Variants in AHNAK observed in about 807,000 individuals in gnomAD.
The protein encoded by AHNAK is AHNAK nucleoprotein.
Under a neutral mutation model 37.8 loss-of-function variants are expected in AHNAK, and 23 were observed. That is an observed-to-expected ratio of 0.61 (90% confidence interval 0.44 to 0.86). The LOEUF is 0.86. Among genes scored for constraint, AHNAK ranks in the 40% least tolerant of loss-of-function variants. AHNAK has a pLI of 0.00. For missense variants in AHNAK, 7,411 were observed against 7,319.4 expected (o/e 1.01, Z -0.46); for synonymous variants, 2,481 against 2,636.3 (o/e 0.94, Z 1.80).
chr11:62,454,139 T>C (rs1423731963), intron 5 of AHNAK, among the ~76,000 whole-genome samples: 2 of 143,578 alleles, frequency 1.4e-5, no homozygotes, highest in African/African-American at 5.2e-5. Context: ...ATTGGCTGGG[T>C]ACGGTGGCTC....
intron 5 of AHNAK, among the ~76,000 whole-genome samples, chr11:62,452,642 T>C (rs1473148072): frequency 1.3e-5 from 2 of 152,200 alleles, no homozygotes; most frequent in Non-Finnish European, 2.9e-5. Flanking sequence ...ATGACCCAGA[T>C]TGATGACAGC....
intron 5 of AHNAK, among the ~76,000 whole-genome samples, chr11:62,471,073 A>G (rs977103716): frequency 1.3e-5 from 2 of 152,234 alleles, no homozygotes; most frequent in Non-Finnish European, 2.9e-5. Flanking sequence ...CAAGAGCTTC[A>G]GCCTCCTGCA....
At chr11:62,505,668 T>G (rs1285909012) in intron 4 of AHNAK, among the ~76,000 whole-genome samples, 2 of 151,880 alleles carry the variant, frequency 1.3e-5, no homozygotes, top group Admixed American at 1.3e-4. Flanking sequence ...CAACGCTCCC[T>G]GCCGCTCATT....
chr11:62,456,056 A>G (rs1301213362), intron 5 of AHNAK, among the ~76,000 whole-genome samples: 1 of 152,044 alleles, frequency 6.6e-6, no homozygotes, highest in African/African-American at 2.4e-5. Flanking sequence ...ACAAAAGAGG[A>G]AAGTCAGACA....
chr11:62,505,290 G>A (rs926981794), intron 4 of AHNAK, among the ~76,000 whole-genome samples: 1 of 152,068 alleles, frequency 6.6e-6, no homozygotes, highest in African/African-American at 2.4e-5. Flanking sequence ...CAACCCCAGG[G>A]GATAAAAATC....
At chr11:62,466,844 G>T (rs1041321693) in intron 5 of AHNAK, among the ~76,000 whole-genome samples, 1 of 152,048 alleles carries the variant, frequency 6.6e-6, no homozygotes, top group African/African-American at 2.4e-5. Flanking sequence ...TTAAACATAG[G>T]CTACAATGCA....
At position 62,519,797 on chromosome 11, in the gene AHNAK, C is replaced by T; in HGVS notation, c.14620G>A (p.Val4874Ile). The T allele has an allele frequency of 6.2e-7, 1 of 1,613,942 alleles. No individual in the cohort carries two copies. Among genetic ancestry groups the T allele is most frequent in the East Asian group, 2.2e-5 (1 of 44,882 alleles). The change falls in exon 5 of 5, where the codon GTT becomes ATT. Residue 4874 changes from valine (V) to isoleucine (I), a missense_variant. By Grantham distance (29) the Val-to-Ile change is conservative. Transcript: ENST00000378024. ...TCTGGGCCTTTCAAAGTCCCTTCAA[C>T]CTTAGGGACAGACACATCAAAATCT... Reference protein sequence around the residue: ...KGDFDVSVPKVEGTLKGPEVD... With the variant: ...KGDFDVSVPKIEGTLKGPEVD...
At chr11:62,483,067 C>CAGG (rs1939308501) in intron 5 of AHNAK, among the ~76,000 whole-genome samples, 1 of 152,174 alleles carries the variant, frequency 6.6e-6, no homozygotes, top group Non-Finnish European at 1.5e-5. Context: ...GAAGCACTGC[C>CAGG]TGGAGAGTGA....
chr11:62,502,388 C>T (rs1211912942), intron 4 of AHNAK, among the ~76,000 whole-genome samples: 1 of 152,084 alleles, frequency 6.6e-6, no homozygotes, highest in Non-Finnish European at 1.5e-5. Context: ...TTTGTTTTTA[C>T]CCTAAGTACA....
intron 3 of AHNAK, 74 bp downstream of exon 3, chr11:62,535,870 TC>T (rs1256176406): frequency 8.5e-6 from 13 of 1,535,236 alleles, no homozygotes; most frequent in Non-Finnish European, 9.6e-6. Flanking sequence ...TTCTGCCTGC[TC>T]CCTGCCCTTC....
At chr11:62,496,879 GGGAA>G (rs1264404007) in intron 4 of AHNAK, among the ~76,000 whole-genome samples, 1 of 142,430 alleles carries the variant, frequency 7.0e-6, no homozygotes. Context: ...AAGGGAGGGA[GGGAA>G]GGAAGGAAGG....
At position 62,528,804 on chromosome 11, in the gene AHNAK, C is replaced by T. The variant is rs767069994; in HGVS notation, c.5613G>A (p.Gly1871=). 1.2e-6 allele frequency: 2 copies of T among 1,612,466 alleles called. No homozygotes were observed. Among genetic ancestry groups the T allele is most frequent in the South Asian group, 2.2e-5 (2 of 90,960 alleles). ...DLHLKGPKVK[G]DADVSVPKLE... ...ATTTTGGCACCGACACATCCGCATC[C>T]CCTTTGACTTTGGGGCCTTTCAGGT... The change falls in exon 5 of 5, where the codon GGG becomes GGA. Residue 1871 remains glycine, a synonymous_variant. Transcript: ENST00000378024.
downstream of AHNAK, among the ~76,000 whole-genome samples, chr11:62,514,721 G>A (rs533832432): frequency 4.6e-5 from 7 of 152,274 alleles, no homozygotes; most frequent in Admixed American, 1.3e-4. Context: ...TCCAACTCAC[G>A]AAAGAAGCTG....
At position 62,534,899 on chromosome 11, in the gene AHNAK, C is replaced by G. The variant is rs186869477; in HGVS notation, c.342+104G>C. 1.7e-5 allele frequency: 21 copies of G among 1,267,490 alleles called. No individual in the cohort carries two copies. The African/African-American group carries it at 3.0e-4, about 18-fold the overall frequency. The allele number at this position is 1,267,490 out of a possible 1,614,324, so 78.5% of individuals were successfully genotyped here. ...AGACAGGTGAGAGGAGAAGAAGGAG[C>G]AAAAAGAGAGGGTCCGGAGGCACAT... is the stretch of plus-strand genomic sequence containing the variant. On this transcript the variant is annotated intron_variant, in intron 4 of 4. Transcript: ENST00000378024.
intron 4 of AHNAK, among the ~76,000 whole-genome samples, chr11:62,492,492 C>T (rs148210166): frequency 6.6e-6 from 1 of 152,178 alleles, no homozygotes; most frequent in African/African-American, 2.4e-5. Flanking sequence ...GAAACCAGTT[C>T]GTGGAGAACT....
Position 62,522,248 on chromosome 11 carries a change from G to A in AHNAK, c.12169C>T (p.His4057Tyr), listed in dbSNP as rs1940279402. The A allele has an allele frequency of 3.1e-6, 5 of 1,612,682 alleles. No homozygotes were observed. Among genetic ancestry groups the A allele is most frequent in the East Asian group, 4.5e-5 (2 of 44,790 alleles). Residue 4057 changes from histidine to tyrosine, a missense_variant, in exon 5 of 5, where the codon CAC (histidine) becomes TAC (tyrosine). Transcript: ENST00000378024. ...ATTTTCACCTTGGGCATCTTCAGGT[G>A]CCAGTCTGGGCCATGAACATCCACA... ...PDVDVHGPDWHLKMPKVKMPK... is the reference protein window; with the variant it reads ...PDVDVHGPDWYLKMPKVKMPK...
At chr11:62,512,994 A>G (rs1455745707), downstream of AHNAK, among the ~76,000 whole-genome samples, 1 of 152,208 alleles carries the variant, frequency 6.6e-6, no homozygotes, top group Non-Finnish European at 1.5e-5. The surrounding 1 kb of genome is among the most constrained non-coding windows in gnomAD (Gnocchi z 4.0). Context: ...TTGTGAGCCC[A>G]TGGTGTAATT....
At chr11:62,536,311 A>T in intron 2 of AHNAK, 158 bp downstream of exon 2, 1 of 483,880 alleles carries the variant, frequency 2.1e-6, no homozygotes, top group Non-Finnish European at 3.6e-6. Context: ...CCCAAGGCAC[A>T]GCAAAGAAGA....
At chr11:62,448,089 G>A (rs1938455506) in intron 5 of AHNAK, among the ~76,000 whole-genome samples, 2 of 152,054 alleles carry the variant, frequency 1.3e-5, no homozygotes, top group Non-Finnish European at 1.5e-5. Flanking sequence ...CAGTGGCGAC[G>A]ATGGTGAACC....
Sources: gnomAD v4.1 joint callset for allele counts (sites outside exome capture counted in the v4.1 genomes callset) on GRCh38, gnomAD v4.1.1 for gene constraint, Gnocchi (gnomAD v3.1) non-coding constraint, MANE v1.5 for transcripts, NCBI Gene and HGNC (gene_info 2026-07-23, HGNC 2026-07-21) for gene names.